ACTR3: variants seen among roughly 807,000 people sequenced by gnomAD.
The protein encoded by ACTR3 is actin-related protein 3.
A neutral mutation model predicts 56.8 loss-of-function variants in ACTR3; 12 were observed. The observed-to-expected ratio is 0.21, with a 90% CI of 0.14 to 0.34. The LOEUF (loss-of-function observed/expected upper bound fraction) is 0.34, where lower values mean the gene tolerates loss of function less well. Among genes scored for constraint, ACTR3 ranks in the 10% least tolerant of loss-of-function variants. The pLI is 1.00. For missense variants in ACTR3, 282 were observed against 512.5 expected, an observed-to-expected ratio of 0.55 and a Z score of 4.34; for synonymous variants, 162 against 167.4, an observed-to-expected ratio of 0.97 and a Z score of 0.25.
chr2:113,916,822 A>C, intron 2 of ACTR3, 62 bp from the exon 3 acceptor site: 3 of 1,448,194 alleles, frequency 2.1e-6, no homozygotes, highest in Non-Finnish European at 2.8e-6. Flanking sequence ...GAGAAGTGTA[A>C]GGTAAAAGTT....
chr2:113,907,975 C>CA lies in ACTR3; in HGVS notation c.45-5197_45-5196insA, dbSNP rs1458810094. On this transcript the variant is annotated intron_variant, in intron 1 of 11. Coordinates refer to ENST00000263238, the MANE Select transcript of ACTR3 (RefSeq NM_005721.5). ...GGCAACAAGAGCAAAACTCTGTCCCCCAAAAAAAAAAAAAAAAAAAAAAAA... is the reference window on the plus strand; with the variant it reads ...GGCAACAAGAGCAAAACTCTGTCCCCACAAAAAAAAAAAAAAAAAAAAAAAA... 0.017 allele frequency among the ~76,000 whole-genome samples: 2,100 copies of CA among 122,186 alleles called. 174 individuals are homozygous for CA. The East Asian group carries it at 0.18, about 10-fold the overall frequency. 80.2% of individuals were successfully genotyped at this position (122,186 alleles called of 152,430 possible). A position where few individuals can be genotyped will look rare whatever the true frequency, so the allele number is the denominator to read the frequency against.
intron 8 of ACTR3, among the ~76,000 whole-genome samples, chr2:113,945,161 G>T (rs913961464): frequency 1.3e-5 from 2 of 152,122 alleles, no homozygotes; most frequent in Non-Finnish European, 2.9e-5. Context: ...GAGTGTGAAG[G>T]TTTTTGGTGG....
intron 8 of ACTR3, among the ~76,000 whole-genome samples, chr2:113,948,987 A>G (rs1327077437): frequency 1.5e-5 from 1 of 67,242 alleles, no homozygotes; most frequent in Non-Finnish European, 2.4e-5. Flanking sequence ...TACATGATCT[A>G]AATGAAAAGA....
intron 1 of ACTR3, among the ~76,000 whole-genome samples, chr2:113,900,889 A>T (rs1295290159): frequency 2.0e-5 from 3 of 152,254 alleles, no homozygotes; most frequent in Non-Finnish European, 2.9e-5. Context: ...CAGGTTAAAC[A>T]TTGACTTGCA....
At chr2:113,915,785 G>A (rs1381908784) in intron 2 of ACTR3, among the ~76,000 whole-genome samples, 1 of 152,076 alleles carries the variant, frequency 6.6e-6, no homozygotes, top group Non-Finnish European at 1.5e-5. Context: ...ATGACTAGTT[G>A]CAGTATGTTA....
intron 8 of ACTR3, among the ~76,000 whole-genome samples, chr2:113,948,084 G>T (rs762602599): frequency 2.8e-4 from 42 of 152,064 alleles, no homozygotes; most frequent in Non-Finnish European, 4.7e-4. Context: ...CTTCTTAGTT[G>T]CTTCTTTTGC....
chr2:113,903,533 TTG>T (rs1272209442), intron 1 of ACTR3, among the ~76,000 whole-genome samples: 3 of 142,758 alleles, frequency 2.1e-5, no homozygotes, highest in Non-Finnish European at 4.4e-5. Context: ...GCTCTGCTAA[TTG>T]TCTTTTTTTT....
chr2:113,940,968 A>C (rs1171586070), intron 7 of ACTR3, among the ~76,000 whole-genome samples: 1 of 151,918 alleles, frequency 6.6e-6, no homozygotes, highest in Non-Finnish European at 1.5e-5. Flanking sequence ...CTGCAGATGC[A>C]TATCACCATG....
At chr2:113,945,145 A>G (rs925102683) in intron 8 of ACTR3, among the ~76,000 whole-genome samples, 2 of 152,326 alleles carry the variant, frequency 1.3e-5, no homozygotes, top group South Asian at 2.1e-4. Context: ...TCAGACTAGT[A>G]TACTGGAGTG....
At chr2:113,915,019 A>G (rs949234902) in intron 2 of ACTR3, among the ~76,000 whole-genome samples, 2 of 152,204 alleles carry the variant, frequency 1.3e-5, no homozygotes, top group African/African-American at 2.4e-5. Context: ...TGTTATTAAG[A>G]ATTCGGTGAT....
chr2:113,934,370 C>G lies in ACTR3; in HGVS notation c.524C>G (p.Thr175Ser). ...GTVIDSGDGVTHVIPVAEGYV... is the reference protein window; with the variant it reads ...GTVIDSGDGVSHVIPVAEGYV... Reference sequence around the variant, plus strand: ...GTAATAGACAGTGGAGATGGTGTCACTCATGTCATTCCTGTGGTAAGGCTA... The same window carrying G: ...GTAATAGACAGTGGAGATGGTGTCAGTCATGTCATTCCTGTGGTAAGGCTA... The change falls in exon 6 of 12, where the codon ACT (threonine) becomes AGT (serine). Residue 175 changes from threonine to serine, a missense_variant. By Grantham distance (58) the Thr-to-Ser change is moderately conservative. Transcript: ENST00000263238. 1.9e-6 allele frequency: 3 copies of G among 1,592,644 alleles called. No individual in the cohort carries two copies. Among genetic ancestry groups the G allele is most frequent in the Non-Finnish European group, 2.6e-6 (3 of 1,172,108 alleles).
At position 113,962,365 on chromosome 2, in the gene ACTR3, C is replaced by G. The variant is rs1002927135; in HGVS notation, c.*4910C>G. ...CCTGAAATGTAACATTCAACATTAA[C>G]AGTAGAAACAGGCCTCATTTCTCCC... On this transcript the variant is annotated 3_prime_UTR_variant, in exon 12 of 12. Coordinates refer to ENST00000263238, the MANE Select transcript of ACTR3 (RefSeq NM_005721.5). The G allele has an allele frequency of 1.3e-5, 2 of 151,964 alleles. No homozygotes were observed. Among genetic ancestry groups the G allele is most frequent in the Non-Finnish European group, 2.9e-5 (2 of 67,900 alleles). The allele number at this position is 151,964 out of a possible 1,614,324, so 9.4% of individuals were successfully genotyped here.
chr2:113,940,761 GTT>G (rs925677722), intron 7 of ACTR3, among the ~76,000 whole-genome samples: 3 of 137,034 alleles, frequency 2.2e-5, no homozygotes, highest in African/African-American at 2.7e-5. Flanking sequence ...TGTTTCCATG[GTT>G]TTTTTTTTTT....
intron 8 of ACTR3, among the ~76,000 whole-genome samples, chr2:113,948,911 A>G (rs973393711): frequency 1.6e-4 from 13 of 79,568 alleles, no homozygotes; most frequent in Admixed American, 1.2e-3. Context: ...CATTCTAGGG[A>G]TTCCCTTTCC....
intron 8 of ACTR3, among the ~76,000 whole-genome samples, chr2:113,949,864 C>T (rs2104627368): frequency 6.6e-6 from 1 of 152,292 alleles, no homozygotes; most frequent in East Asian, 1.9e-4. Flanking sequence ...TGCCCAGCTT[C>T]AAGTTGTTTT....
intron 3 of ACTR3, among the ~76,000 whole-genome samples, chr2:113,919,631 G>A (rs1441347860): frequency 6.6e-6 from 1 of 152,162 alleles, no homozygotes; most frequent in East Asian, 1.9e-4. Flanking sequence ...TGATGAATGG[G>A]ATATTGGTGA....
In ACTR3 at chr2:113,962,549, A is replaced by G. The variant is rs541036025; in HGVS notation, c.*5094A>G. 5.3e-5 allele frequency: 8 copies of G among 150,854 alleles called. No individual in the cohort carries two copies. In the South Asian group the frequency reaches 1.7e-3, roughly 32 times the overall value. The allele number at this position is 150,854 out of a possible 1,614,324, so 9.3% of individuals were successfully genotyped here. On this transcript the variant is annotated 3_prime_UTR_variant, in exon 12 of 12. Transcript: ENST00000263238. ...TTTGGAATTATATTAGAAAGTCGAT[A>G]TCGGAATTGGAACCACACATCTTTT...
intron 3 of ACTR3, among the ~76,000 whole-genome samples, chr2:113,923,199 A>G (rs1046486366): frequency 6.6e-6 from 1 of 152,198 alleles, no homozygotes; most frequent in Non-Finnish European, 1.5e-5. Context: ...CTTCTTAGTG[A>G]GTCTCAAGAT....
chr2:113,914,628 A>G lies in ACTR3; in HGVS notation c.100+1401A>G, dbSNP rs1477245759. On this transcript the variant is annotated intron_variant, in intron 2 of 11. Transcript: ENST00000263238. ...AGACTCAGTCTCAAAAAAAAAAAAA[A>G]AAAAAGAAAGAAAAAGAAAAGAAAT... Among the ~76,000 whole-genome samples the G allele has an allele frequency of 5.9e-5, 9 of 151,408 alleles. No individual in the cohort carries two copies. The East Asian group carries it at 1.7e-3, about 29-fold the overall frequency.
Sources: gnomAD v4.1 joint callset for allele counts (sites outside exome capture counted in the v4.1 genomes callset) on GRCh38, gnomAD v4.1.1 for gene constraint, MANE v1.5 for transcripts, NCBI Gene and HGNC (gene_info 2026-07-23, HGNC 2026-07-21) for gene names.